The following SDK2 variants were observed in gnomAD, a reference collection of about 807,000 sequenced individuals.
SDK2 encodes sidekick cell adhesion molecule 2, also known as protein sidekick-2.
In SDK2, 105 loss-of-function variants were observed where a neutral mutation model predicts 253.9. That is an observed-to-expected ratio of 0.41 (90% CI 0.35 to 0.49). The LOEUF is 0.49. Among genes scored for constraint, SDK2 ranks in the 20% least tolerant of loss-of-function variants. SDK2 has a pLI of 0.06. For synonymous variants in SDK2, 1,249 were observed against 1,234.9 expected (o/e 1.01, Z -0.24); for missense variants, 2,608 against 3,003.0 (o/e 0.87, Z 3.07).
chr17:73,628,861 C>T (rs2046235186), intron 1 of SDK2, among the ~76,000 whole-genome samples: 1 of 152,220 alleles, frequency 6.6e-6, no homozygotes, highest in African/African-American at 2.4e-5. Flanking sequence ...CAGCCACCCC[C>T]TCCCACCCCT....
In SDK2 at chr17:73,400,871, C is replaced by T. The variant is rs1007996880; in HGVS notation, c.2971+149G>A. 18 of 730,686 alleles carry T rather than the reference C, an allele frequency of 2.5e-5. No homozygotes were observed. In the South Asian group the frequency reaches 3.6e-4, roughly 14 times the overall value. The allele number at this position is 730,686 out of a possible 1,614,324, so 45.3% of individuals were successfully genotyped here. A position where few individuals can be genotyped will look rare whatever the true frequency, so the allele number is the denominator to read the frequency against. ...CCACGTTGGCCAGGCTGGTCTCGAA[C>T]TCCTGACCTCAAGTGATACGCCTGC... is the stretch of plus-strand genomic sequence containing the variant. On this transcript the variant is annotated intron_variant, in intron 21 of 44. Transcript: ENST00000392650.
At chr17:73,354,838 G>A (rs970561403) in intron 40 of SDK2, among the ~76,000 whole-genome samples, 5 of 152,068 alleles carry the variant, frequency 3.3e-5, no homozygotes, top group South Asian at 2.1e-4. Flanking sequence ...CCCGCCAGAG[G>A]TGTGCCCAGT....
chr17:73,374,471 ATT>A (rs59277247), intron 36 of SDK2, among the ~76,000 whole-genome samples: 12 of 131,510 alleles, frequency 9.1e-5, no homozygotes, highest in African/African-American at 2.9e-4. Context: ...TTTGTCGGTA[ATT>A]TTTTTTTTTT....
intron 1 of SDK2, among the ~76,000 whole-genome samples, chr17:73,605,817 A>G (rs1253262011): frequency 3.9e-5 from 6 of 152,150 alleles, no homozygotes; most frequent in Non-Finnish European, 8.8e-5. Flanking sequence ...GCACGTAATA[A>G]GCGCTCAAAA....
chr17:73,457,848 A>G (rs1567784532), intron 3 of SDK2, among the ~76,000 whole-genome samples: 1 of 152,106 alleles, frequency 6.6e-6, no homozygotes, highest in South Asian at 2.1e-4. Context: ...CTCCTCTAAG[A>G]CCACTGACTC....
At chr17:73,585,971 T>C (rs2045598098) in intron 1 of SDK2, among the ~76,000 whole-genome samples, 1 of 152,258 alleles carries the variant, frequency 6.6e-6, no homozygotes, top group South Asian at 2.1e-4. Flanking sequence ...ATATATAGGA[T>C]GTACTCGGAA....
At chr17:73,355,912 C>G (rs1413244180) in intron 40 of SDK2, among the ~76,000 whole-genome samples, 1 of 152,202 alleles carries the variant, frequency 6.6e-6, no homozygotes, top group Non-Finnish European at 1.5e-5. Context: ...TCTGAATTCT[C>G]TCACTCATCT....
intron 1 of SDK2, among the ~76,000 whole-genome samples, chr17:73,524,001 G>T (rs2064105061): frequency 6.6e-6 from 1 of 152,142 alleles, no homozygotes; most frequent in Non-Finnish European, 1.5e-5. Context: ...ATTGAGCAAG[G>T]GAATGAATGA....
chr17:73,598,015 G>A (rs907283257), intron 1 of SDK2, among the ~76,000 whole-genome samples: 3 of 152,154 alleles, frequency 2.0e-5, no homozygotes, highest in South Asian at 2.1e-4. Context: ...GAAGAGTGAC[G>A]CTCAGAGGGT....
chr17:73,606,726 C>A (rs1257685749), intron 1 of SDK2, among the ~76,000 whole-genome samples: 2 of 152,248 alleles, frequency 1.3e-5, no homozygotes, highest in African/African-American at 4.8e-5. Flanking sequence ...AGCCACTATC[C>A]ACCCCATCCA....
intron 2 of SDK2, among the ~76,000 whole-genome samples, chr17:73,480,816 C>A (rs2063717886): frequency 6.6e-6 from 1 of 152,128 alleles, no homozygotes; most frequent in Non-Finnish European, 1.5e-5. Flanking sequence ...CAGCCAGAGG[C>A]CGGGTAGTTG....
chr17:73,532,086 G>T (rs986144127), intron 1 of SDK2, among the ~76,000 whole-genome samples: 1 of 152,164 alleles, frequency 6.6e-6, no homozygotes, highest in Admixed American at 6.5e-5. Context: ...GCTCCCGGGG[G>T]ACCCCTGGCG....
chr17:73,545,452 G>C (rs2044947374), intron 1 of SDK2, among the ~76,000 whole-genome samples: 1 of 152,164 alleles, frequency 6.6e-6, no homozygotes, highest in Admixed American at 6.5e-5. Flanking sequence ...CCGGTGGTAG[G>C]GGTTAGAGAT....
At chr17:73,515,040 C>T (rs2064013487) in intron 1 of SDK2, among the ~76,000 whole-genome samples, 1 of 152,190 alleles carries the variant, frequency 6.6e-6, no homozygotes, top group Non-Finnish European at 1.5e-5. Flanking sequence ...TCCATACTAA[C>T]CATGGAACTT....
intron 1 of SDK2, among the ~76,000 whole-genome samples, chr17:73,555,909 G>T (rs529185204): frequency 1.5e-3 from 236 of 152,274 alleles, no homozygotes; most frequent in African/African-American, 5.3e-3. Flanking sequence ...AGTCAGGGGG[G>T]ACCAGGGAGT....
intron 1 of SDK2, among the ~76,000 whole-genome samples, chr17:73,581,485 C>G (rs1158144570): frequency 6.6e-6 from 1 of 152,238 alleles, no homozygotes; most frequent in East Asian, 1.9e-4. Context: ...ACCAGCCCCG[C>G]CTGCCCCAGC....
chr17:73,352,640 G>T lies in SDK2; in HGVS notation c.5594-3C>A. ...GAGGATGTCCCATAGTCCCTCGTCT[G>T]CAGGAGCACAGAGATGGAGGCCCTG... is the stretch of plus-strand genomic sequence containing the variant. On this transcript the variant is annotated splice_polypyrimidine_tract_variant and splice_region_variant and intron_variant, in intron 40 of 44. Transcript: ENST00000392650. This position sits in a 1 kb window ranked among gnomAD's most constrained non-coding sequence, Gnocchi z 4.1. 6.2e-7 allele frequency: 1 copy of T among 1,613,640 alleles called. No homozygotes were observed. The highest frequency in any genetic ancestry group is 8.5e-7 in the Non-Finnish European group (1 of 1,179,612).
At chr17:73,625,425 G>A (rs1386022963) in intron 1 of SDK2, among the ~76,000 whole-genome samples, 1 of 152,130 alleles carries the variant, frequency 6.6e-6, no homozygotes, top group Non-Finnish European at 1.5e-5. Context: ...CCTAGGTGGT[G>A]GCCTCTCTGC....
intron 1 of SDK2, among the ~76,000 whole-genome samples, chr17:73,576,948 A>C (rs1408711402): frequency 6.6e-6 from 1 of 152,218 alleles, no homozygotes; most frequent in African/African-American, 2.4e-5. Context: ...CGCCAAGGAT[A>C]CACTGTGGCC....
Sources: allele counts gnomAD v4.1 joint callset (sites outside exome capture counted in the v4.1 genomes callset), GRCh38; gene constraint gnomAD v4.1.1; non-coding constraint Gnocchi (gnomAD v3.1); transcripts MANE v1.5; gene names NCBI Gene and HGNC (gene_info 2026-07-23, HGNC 2026-07-21).